The following SEC24B variants were observed in gnomAD, a reference collection of about 807,000 sequenced individuals.
The protein encoded by SEC24B is SEC24 homolog B, COPII component, also known as protein transport protein Sec24B.
Under a neutral mutation model 142.8 loss-of-function variants are expected in SEC24B, and 45 were observed. The ratio of observed to expected loss-of-function variants is 0.32; its 90% CI spans 0.25 to 0.40. The LOEUF is 0.40. Ranked by LOEUF, SEC24B falls within the 10% of genes least tolerant of loss-of-function variation. SEC24B has a pLI of 1.00. For synonymous variants in SEC24B, 574 were observed against 568.2 expected (o/e 1.01, Z -0.15); for missense variants, 1,409 against 1,526.8 (o/e 0.92, Z 1.29).
intron 2 of SEC24B, among the ~76,000 whole-genome samples, chr4:109,470,787 C>T (rs892343763): frequency 6.6e-6 from 1 of 152,144 alleles, no homozygotes; most frequent in African/African-American, 2.4e-5. Flanking sequence ...TAGAGCTGCA[C>T]TCATTAACAT....
chr4:109,527,408 G>A lies in SEC24B; in HGVS notation c.3052G>A (p.Ala1018Thr). ...DVYAGVDVQAAICLLANMAVD... is the reference protein window; with the variant it reads ...DVYAGVDVQATICLLANMAVD... The stretch of plus-strand genomic sequence containing the variant: ...ATATGCGGGAGTGGATGTACAAGCT[G>A]CCATCTGCCTTCTGGCAAACATGGG... Residue 1018 changes from alanine to threonine, a missense_variant, in exon 18 of 24, where the codon GCC (alanine) becomes ACC (threonine). By Grantham distance (58) the Ala-to-Thr change is moderately conservative. Around this residue, in one of 2 missense-constraint regions of SEC24B, gnomAD observed 700 missense variants for 853.3 expected, o/e 0.82. Transcript: ENST00000265175. 6.2e-7 allele frequency: 1 copy of A among 1,612,416 alleles called. No homozygotes were observed. The highest frequency in any genetic ancestry group is 8.5e-7 in the Non-Finnish European group (1 of 1,178,702).
intron 12 of SEC24B, 68 bp downstream of exon 12, chr4:109,520,552 T>C: frequency 1.2e-6 from 1 of 862,336 alleles, no homozygotes; most frequent in Non-Finnish European, 2.0e-6. Context: ...TTTATTTTAA[T>C]ATACACCTTG....
chr4:109,462,242 A>G (rs976588884), intron 1 of SEC24B, among the ~76,000 whole-genome samples: 1 of 152,200 alleles, frequency 6.6e-6, no homozygotes, highest in African/African-American at 2.4e-5. Context: ...CAGGATGGGT[A>G]TATTAGTTAC....
At chr4:109,533,854 C>T (rs1055905078) in intron 22 of SEC24B, among the ~76,000 whole-genome samples, 169 bp downstream of exon 22, 2 of 152,150 alleles carry the variant, frequency 1.3e-5, no homozygotes, top group Non-Finnish European at 2.9e-5. Context: ...TCTTATCACC[C>T]TAAAAGAACC....
intron 1 of SEC24B, among the ~76,000 whole-genome samples, chr4:109,436,524 C>T (rs536367722): frequency 3.3e-5 from 5 of 152,182 alleles, no homozygotes; most frequent in Non-Finnish European, 7.3e-5. Context: ...TACGTTTGGC[C>T]TTTGTCCTGG....
chr4:109,525,443 A>G lies in SEC24B; in HGVS notation c.2730A>G (p.Leu910=). The change falls in exon 16 of 24, where the codon CTA becomes CTG. Residue 910 remains leucine (L), a synonymous_variant. Coordinates refer to ENST00000265175, the MANE Select transcript of SEC24B (RefSeq NM_006323.5). ...AAGCAGAAAAGTTACAAAAAGACCT[A>G]AAACGGTATCTCACAAGAAAAATTG... ...PSQAEKLQKD[L]KRYLTRKIGF... The G allele has an allele frequency of 6.2e-7, 1 of 1,612,092 alleles. No homozygotes were observed. Among genetic ancestry groups the G allele is most frequent in the Non-Finnish European group, 8.5e-7 (1 of 1,178,878 alleles).
chr4:109,500,703 G>A (rs940537616), intron 6 of SEC24B, among the ~76,000 whole-genome samples: 15 of 152,056 alleles, frequency 9.9e-5, no homozygotes, highest in African/African-American at 3.6e-4. Flanking sequence ...CCAGGCTAGA[G>A]TGCAGTGGCA....
intron 14 of SEC24B, among the ~76,000 whole-genome samples, chr4:109,522,810 G>T (rs986345343): frequency 1.4e-4 from 21 of 152,252 alleles, no homozygotes; most frequent in African/African-American, 4.6e-4. Flanking sequence ...TATATTGTGC[G>T]CATTCTCTGA....
intron 6 of SEC24B, among the ~76,000 whole-genome samples, chr4:109,499,312 T>C (rs1170663738): frequency 6.6e-6 from 1 of 152,224 alleles, no homozygotes; most frequent in Non-Finnish European, 1.5e-5. Flanking sequence ...TTGGGACTTG[T>C]ATGTTTTATA....
chr4:109,470,349 C>T (rs1051189714), intron 2 of SEC24B, among the ~76,000 whole-genome samples: 1 of 152,216 alleles, frequency 6.6e-6, no homozygotes, highest in East Asian at 1.9e-4. Context: ...TAAGATTCTA[C>T]TTTCTAACAA....
At chr4:109,505,775 G>A (rs1736614762) in intron 6 of SEC24B, among the ~76,000 whole-genome samples, 1 of 152,100 alleles carries the variant, frequency 6.6e-6, no homozygotes, top group South Asian at 2.1e-4. Context: ...AGGCTAGTTA[G>A]GTTCATATAA....
intron 4 of SEC24B, among the ~76,000 whole-genome samples, chr4:109,489,666 A>T (rs1247436971): frequency 1.4e-5 from 2 of 139,058 alleles, no homozygotes; most frequent in African/African-American, 5.8e-5. Flanking sequence ...TATATATGAT[A>T]TATACATGTG....
At chr4:109,522,047 T>A (rs151096327) in intron 14 of SEC24B, among the ~76,000 whole-genome samples, 1,904 of 140,884 alleles carry the variant, frequency 0.014, 20 homozygotes, top group Middle Eastern at 0.028. Flanking sequence ...GAGTTTTTTG[T>A]TTTGTTTTTG....
intron 3 of SEC24B, among the ~76,000 whole-genome samples, chr4:109,476,566 A>G (rs1429776177): frequency 7.9e-6 from 1 of 126,950 alleles, no homozygotes; most frequent in Non-Finnish European, 1.9e-5. Context: ...ACTTGTAAGA[A>G]TTCTGCTAAA....
In SEC24B at chr4:109,524,688, C is replaced by G. The variant is rs561036006; in HGVS notation, c.2509-130C>G. ...TTATTATTATCATAGGGAATCTGCA[C>G]CAAATGCCTAGACATTTAGAAAACT... On this transcript the variant is annotated intron_variant, in intron 14 of 23. Coordinates refer to ENST00000265175, the MANE Select transcript of SEC24B (RefSeq NM_006323.5). The G allele has an allele frequency of 7.2e-6, 5 of 689,796 alleles. No individual in the cohort carries two copies. The South Asian group carries it at 1.4e-4, about 20-fold the overall frequency. The allele number at this position is 689,796 out of a possible 1,614,324, so 42.7% of individuals were successfully genotyped here.
intron 4 of SEC24B, among the ~76,000 whole-genome samples, chr4:109,486,849 A>T (rs1342901653): frequency 1.3e-5 from 2 of 152,184 alleles, no homozygotes; most frequent in Non-Finnish European, 2.9e-5. Flanking sequence ...AGGGAAACAG[A>T]TACCATATGA....
chr4:109,521,586 T>G lies in SEC24B; in HGVS notation c.2468T>G (p.Leu823Arg), dbSNP rs1723619188. 1 of 1,613,828 alleles carries G rather than the reference T, an allele frequency of 6.2e-7. No homozygotes were observed. ...TQLPSLGAGL[L>R]QSREDPNQRS... is the part of the protein sequence containing the mutation. ...TTACCTTCCTTGGGTGCAGGACTTC[T>G]GCAATCCAGAGAAGATCCTAATCAG... Residue 823 changes from leucine to arginine, a missense_variant, in exon 14 of 24, where the codon CTG (leucine) becomes CGG (arginine). This residue lies in a region of SEC24B where 700 missense variants were observed against 853.3 expected (regional missense o/e 0.82). Coordinates refer to ENST00000265175, the MANE Select transcript of SEC24B (RefSeq NM_006323.5).
intron 7 of SEC24B, 59 bp from the exon 8 acceptor site, chr4:109,509,950 A>C: frequency 1.0e-6 from 1 of 977,704 alleles, no homozygotes; most frequent in Non-Finnish European, 1.5e-6. Context: ...TATCTTATCT[A>C]CTTCAGTGTA....
intron 3 of SEC24B, among the ~76,000 whole-genome samples, chr4:109,475,495 T>C (rs1455978691): frequency 6.6e-6 from 1 of 152,228 alleles, no homozygotes; most frequent in Non-Finnish European, 1.5e-5. Flanking sequence ...GCATTTTTTT[T>C]CTGTTTTTAG....
Sources: gnomAD v4.1 joint callset for allele counts (sites outside exome capture counted in the v4.1 genomes callset) on GRCh38, gnomAD v4.1.1 for gene constraint, gnomAD v4.1.1 regional missense constraint, MANE v1.5 for transcripts, NCBI Gene and HGNC (gene_info 2026-07-23, HGNC 2026-07-21) for gene names.